Variants in NSRP1 observed in about 807,000 individuals in gnomAD.
The protein encoded by NSRP1 is coiled-coil domain containing 55.
In NSRP1, 24 loss-of-function variants were observed where a neutral mutation model predicts 54.7. The ratio of observed to expected loss-of-function variants is 0.44; its 90% CI spans 0.32 to 0.62. The LOEUF is 0.62. Ranked by LOEUF, NSRP1 falls within the 20% of genes least tolerant of loss-of-function variation. NSRP1 has a pLI of 0.06. For synonymous variants in NSRP1, 210 were observed against 213.8 expected, an observed-to-expected ratio of 0.98 and a Z score of 0.15; for missense variants, 596 against 651.2, an observed-to-expected ratio of 0.92 and a Z score of 0.92.
intron 2 of NSRP1, chr17:30,162,919 A>G (rs1056669896): frequency 1.3e-5 from 2 of 151,838 alleles, no homozygotes; most frequent in African/African-American, 4.8e-5. Flanking sequence ...TCACTTTGTC[A>G]TCCAGACTGG....
intron 2 of NSRP1, among the ~76,000 whole-genome samples, chr17:30,128,570 A>G (rs1046743990): frequency 7.2e-5 from 11 of 152,302 alleles, no homozygotes; most frequent in African/African-American, 1.7e-4. Flanking sequence ...AAAGTTGACT[A>G]TTGTTTACCC....
At chr17:30,118,219 T>TTTTTAAAA (rs1555576100) in intron 2 of NSRP1, 46 bp downstream of exon 2, 2 of 1,483,242 alleles carry the variant, frequency 1.3e-6, no homozygotes, top group Non-Finnish European at 1.9e-6. Context: ...AAATGTAAAT[T>TTTTTAAAA]TTTTAAAAAT....
chr17:30,155,622 A>G (rs145922319), intron 2 of NSRP1, among the ~76,000 whole-genome samples: 1 of 151,962 alleles, frequency 6.6e-6, no homozygotes, highest in African/African-American at 2.4e-5. Context: ...ATAGTGCACT[A>G]TGCCTCAAAC....
intron 2 of NSRP1, among the ~76,000 whole-genome samples, chr17:30,148,700 C>T (rs910617276): frequency 6.6e-6 from 1 of 152,214 alleles, no homozygotes; most frequent in Non-Finnish European, 1.5e-5. Flanking sequence ...CTATTGCTTC[C>T]TGGCTTGTAG....
At chr17:30,132,015 G>A (rs1193004293) in intron 2 of NSRP1, among the ~76,000 whole-genome samples, 1 of 152,132 alleles carries the variant, frequency 6.6e-6, no homozygotes, top group African/African-American at 2.4e-5. Flanking sequence ...TTGGGAGGCC[G>A]AGGCGGGCGG....
intron 3 of NSRP1, among the ~76,000 whole-genome samples, chr17:30,177,215 AT>A (rs1286328999): frequency 6.6e-6 from 1 of 151,922 alleles, no homozygotes; most frequent in Non-Finnish European, 1.5e-5. Flanking sequence ...TACAAAACAT[AT>A]AAAAATTAGC....
chr17:30,171,319 T>C (rs1904924025), intron 2 of NSRP1, among the ~76,000 whole-genome samples: 1 of 150,554 alleles, frequency 6.6e-6, no homozygotes, highest in African/African-American at 2.4e-5. Flanking sequence ...TTTTTTTTTT[T>C]TTTTGAGACA....
intron 2 of NSRP1, among the ~76,000 whole-genome samples, chr17:30,142,000 TCAAA>T (rs1276475845): frequency 6.6e-6 from 1 of 152,294 alleles, no homozygotes; most frequent in Middle Eastern, 3.4e-3. Flanking sequence ...TGAGACTGTC[TCAAA>T]AAATTTTTTT....
At chr17:30,176,095 G>T (rs537584815) in intron 3 of NSRP1, among the ~76,000 whole-genome samples, 1,329 of 128,320 alleles carry the variant, frequency 0.01, 19 homozygotes, top group African/African-American at 0.038. Context: ...GTTTTTTTTT[G>T]TTGTTGTTGT....
chr17:30,132,606 A>G (rs1401374987), intron 2 of NSRP1, among the ~76,000 whole-genome samples: 1 of 152,238 alleles, frequency 6.6e-6, no homozygotes, highest in Non-Finnish European at 1.5e-5. Context: ...TTTGTCATCA[A>G]TTCAAGTTTT....
intron 2 of NSRP1, among the ~76,000 whole-genome samples, chr17:30,120,096 A>G (rs987460199): frequency 6.6e-6 from 1 of 152,062 alleles, no homozygotes; most frequent in Non-Finnish European, 1.5e-5. Context: ...TATTTCTATC[A>G]CTAGATTAGT....
chr17:30,128,606 C>G (rs887017967), intron 2 of NSRP1, among the ~76,000 whole-genome samples: 1 of 152,022 alleles, frequency 6.6e-6, no homozygotes, highest in African/African-American at 2.4e-5. Context: ...GAGACAGAAA[C>G]CTTGCCAATA....
At chr17:30,159,391 A>G (rs1904431139) in intron 2 of NSRP1, among the ~76,000 whole-genome samples, 1 of 152,020 alleles carries the variant, frequency 6.6e-6, no homozygotes, top group African/African-American at 2.4e-5. Context: ...GTTTTTCTAA[A>G]TATAAGATCA....
At chr17:30,163,791 C>T (rs1904628059) in intron 2 of NSRP1, among the ~76,000 whole-genome samples, 1 of 149,706 alleles carries the variant, frequency 6.7e-6, no homozygotes, top group South Asian at 2.1e-4. Flanking sequence ...AAGCAATTCT[C>T]TTGCCTCAGC....
At chr17:30,174,392 C>G (rs180915759) in intron 3 of NSRP1, among the ~76,000 whole-genome samples, 2 of 152,284 alleles carry the variant, frequency 1.3e-5, no homozygotes, top group Admixed American at 1.3e-4. Flanking sequence ...ATGTCTTTAT[C>G]CATACGAATT....
chr17:30,130,538 T>G (rs1309668032), intron 2 of NSRP1, among the ~76,000 whole-genome samples: 1 of 152,242 alleles, frequency 6.6e-6, no homozygotes, highest in Admixed American at 6.5e-5. Flanking sequence ...TTTTGTCACT[T>G]AAATATCTAC....
chr17:30,158,181 T>C (rs1175447463), intron 2 of NSRP1, among the ~76,000 whole-genome samples: 1 of 152,170 alleles, frequency 6.6e-6, no homozygotes, highest in South Asian at 2.1e-4. Flanking sequence ...GGGTAAGATA[T>C]CTTATTATGG....
intron 1 of NSRP1, 45 bp downstream of exon 1, chr17:30,116,908 A>C (rs760679775): frequency 3.3e-5 from 52 of 1,558,132 alleles, no homozygotes; most frequent in Non-Finnish European, 4.4e-5. Context: ...ATGAGAAACT[A>C]CGGCGACTGT....
chr17:30,119,540 T>A (rs1567787425), intron 2 of NSRP1, among the ~76,000 whole-genome samples: 1 of 151,662 alleles, frequency 6.6e-6, no homozygotes, highest in Non-Finnish European at 1.5e-5. Context: ...TCTCCCTCTT[T>A]CGCCCAGGCT....
Sources: gnomAD v4.1 joint callset for allele counts (sites outside exome capture counted in the v4.1 genomes callset) on GRCh38, gnomAD v4.1.1 for gene constraint, MANE v1.5 for transcripts, NCBI Gene and HGNC (gene_info 2026-07-23, HGNC 2026-07-21) for gene names.